Variants in ATG9B observed in about 807,000 individuals in gnomAD.
The protein encoded by ATG9B is autophagy related 9B, also known as autophagy-related protein 9B.
In ATG9B, 92 loss-of-function variants were observed where a neutral mutation model predicts 92.9. The observed-to-expected ratio is 0.99, with a 90% CI of 0.84 to 1.18. The LOEUF is 1.18. Ranked by LOEUF, ATG9B falls within the 50% of genes most tolerant of loss-of-function variation. The pLI is 0.00. For missense variants in ATG9B, 1,344 were observed against 1,235.0 expected, an observed-to-expected ratio of 1.09 and a Z score of -1.32; for synonymous variants, 599 against 551.4, an observed-to-expected ratio of 1.09 and a Z score of -1.21.
At position 151,018,659 on chromosome 7, in the gene ATG9B, G is replaced by A. The variant is rs1156355914; in HGVS notation, c.1679C>T (p.Thr560Ile). The part of the protein sequence containing the change: ...EDVLAVEHVL[T>I]AMTALGVTAT... The stretch of plus-strand genomic sequence containing the variant: ...GGTGACCCCGAGCGCGGTCATGGCG[G>A]TGAGCACGTGCTCCACGGCTAGCAC... Residue 560 changes from threonine to isoleucine, a missense_variant, in exon 6 of 14, where the codon ACC (threonine) becomes ATC (isoleucine). By Grantham distance (89) the Thr-to-Ile change is moderately conservative. Transcript: ENST00000639579. The surrounding 1 kb of genome is among the most constrained non-coding windows in gnomAD (Gnocchi z 4.7). 4 of 1,607,434 alleles carry A rather than the reference G, an allele frequency of 2.5e-6. No homozygotes were observed. The highest frequency in any genetic ancestry group is 1.3e-5 in the African/African-American group (1 of 74,636).
At chr7:151,016,077 G>A (rs1795467921) in intron 12 of ATG9B, 32 bp downstream of exon 12, 1 of 1,545,022 alleles carries the variant, frequency 6.5e-7, no homozygotes, top group Non-Finnish European at 8.7e-7. Context: ...TGTCCACCAG[G>A]CTCTGTCCCC....
At chr7:151,023,799 A>G in intron 1 of ATG9B, 69 bp from the exon 2 acceptor site, 1 of 1,612,684 alleles carries the variant, frequency 6.2e-7, no homozygotes, top group Non-Finnish European at 8.5e-7. Flanking sequence ...ACCCGCTGCC[A>G]GAGGCCCAGC....
Position 151,018,849 on chromosome 7 carries a change from GC to G in ATG9B, c.1488del (p.His497ThrfsTer57). The G allele has an allele frequency of 7.7e-7, 1 of 1,305,774 alleles. No homozygotes were observed. Among genetic ancestry groups the G allele is most frequent in the Non-Finnish European group, 9.7e-7 (1 of 1,031,146 alleles). 80.9% of individuals were successfully genotyped at this position (1,305,774 alleles called of 1,614,324 possible). Reference protein sequence around the residue: ...RLQLRHFNELPHELRARLARA... With the variant: ...RLQLRHFNELXHELRARLARA... ...CGGGCCAGGCGCGCGCGCAGCTCGTGCGGCAGCTCGTTGAAGTGGCGCAGCT... is the reference window on the plus strand; with the variant it reads ...CGGGCCAGGCGCGCGCGCAGCTCGTGGGCAGCTCGTTGAAGTGGCGCAGCT... On this transcript the variant is annotated frameshift_variant, in exon 6 of 14. Transcript: ENST00000639579. LOFTEE classifies it high-confidence loss of function. This position sits in a 1 kb window ranked among gnomAD's most constrained non-coding sequence, Gnocchi z 4.7.
intron 10 of ATG9B, 75 bp downstream of exon 10, chr7:151,016,613 G>A (rs1446882346): frequency 1.6e-5 from 24 of 1,541,608 alleles, no homozygotes; most frequent in East Asian, 2.5e-5. Flanking sequence ...CCCCCTCAGC[G>A]CCCCAGCTCC....
Position 151,021,219 on chromosome 7 carries a change from A to G in ATG9B, c.932T>C (p.Val311Ala), listed in dbSNP as rs1174480217. 6.2e-7 allele frequency: 1 copy of G among 1,613,484 alleles called. No individual in the cohort carries two copies. The highest frequency in any genetic ancestry group is 8.5e-7 in the Non-Finnish European group (1 of 1,179,914). ...CNLFSYWDIQ[V>A]FYREALHIPP... ...GATGTGCAGGGCCTCCCTGTAAAAC[A>G]CCTGGATGTCCCAGTAGCTGAAGAG... The change falls in exon 5 of 14, where the codon GTG becomes GCG. Residue 311 changes from valine to alanine, a missense_variant. Val to Ala is a moderately conservative substitution (Grantham distance 64). Transcript: ENST00000639579.
chr7:151,018,423 G>A lies in ATG9B; in HGVS notation c.1743C>T (p.Cys581=). The A allele has an allele frequency of 6.5e-7, 1 of 1,538,656 alleles. No homozygotes were observed. The highest frequency in any genetic ancestry group is 8.7e-7 in the Non-Finnish European group (1 of 1,143,316). Reference sequence around the variant, plus strand: ...GCAGGAGCTGCGGCGCACGACCCTGGCACTGCTCTTCCGGAATGAAAGACC... The same window carrying A: ...GCAGGAGCTGCGGCGCACGACCCTGACACTGCTCTTCCGGAATGAAAGACC... ...VARSFIPEEQ[C]QGRAPQLLLQ... is the part of the protein sequence containing the mutation. The change falls in exon 7 of 14, where the codon TGC becomes TGT. Residue 581 remains cysteine (C), a synonymous_variant. Coordinates refer to ENST00000639579, the MANE Select transcript of ATG9B (RefSeq NM_001317056.2). The surrounding 1 kb of genome is among the most constrained non-coding windows in gnomAD (Gnocchi z 4.7).
intron 5 of ATG9B, 57 bp from the exon 6 acceptor site, chr7:151,019,431 C>T: frequency 1.3e-6 from 2 of 1,484,734 alleles, no homozygotes; most frequent in Non-Finnish European, 1.8e-6. Context: ...CAGTGATGCT[C>T]AAGCTCCACA....
chr7:151,024,163 G>A lies in ATG9B; in HGVS notation c.261C>T (p.Cys87=). Residue 87 remains cysteine (C), a synonymous_variant, in exon 1 of 14, where the codon TGC becomes TGT. Coordinates refer to ENST00000639579, the MANE Select transcript of ATG9B (RefSeq NM_001317056.2). ...VLQGTGASQS[C]HSALPIPATP... ...TGGCTGGGATAGGGAGAGCACTGTG[G>A]CAAGACTGAGAAGCCCCTGTCCCCT... is the stretch of plus-strand genomic sequence containing the variant. 6.4e-7 allele frequency: 1 copy of A among 1,559,870 alleles called. No homozygotes were observed. Among genetic ancestry groups the A allele is most frequent in the Non-Finnish European group, 8.7e-7 (1 of 1,151,770 alleles).
At chr7:151,017,753 C>T (rs1376403823) in intron 8 of ATG9B, 118 bp downstream of exon 8, 33 of 1,251,438 alleles carry the variant, frequency 2.6e-5, no homozygotes, top group Non-Finnish European at 3.6e-5. Context: ...AGGGAAGTGA[C>T]CCGCTCAACG....
chr7:151,018,355 G>C lies in ATG9B; in HGVS notation c.1811C>G (p.Pro604Arg). ...GGCGCGGTCCCTGCCGCCGGGGCCG[G>C]GCTCCTCCGGGAGGTAGTGCATGTG... is the stretch of plus-strand genomic sequence containing the variant. ...LAHMHYLPEE[P>R]GPGGRDRAYR... is the part of the protein sequence containing the mutation. The change falls in exon 7 of 14, where the codon CCC (proline) becomes CGC (arginine). Residue 604 changes from proline to arginine, a missense_variant. By Grantham distance (103) the Pro-to-Arg change is moderately radical. Coordinates refer to ENST00000639579, the MANE Select transcript of ATG9B (RefSeq NM_001317056.2). This position sits in a 1 kb window ranked among gnomAD's most constrained non-coding sequence, Gnocchi z 4.7. The C allele has an allele frequency of 6.3e-7, 1 of 1,598,922 alleles. No individual in the cohort carries two copies. Among genetic ancestry groups the C allele is most frequent in the South Asian group, 1.1e-5 (1 of 89,284 alleles).
chr7:151,023,676 G>T lies in ATG9B; in HGVS notation c.594+11C>A. ...CCCATGCCACCTCTGCAGGCCTAGC[G>T]CAAAGGATATCTTGGTGAAGAAACT... On this transcript the variant is annotated intron_variant, in intron 2 of 13. Coordinates refer to ENST00000639579, the MANE Select transcript of ATG9B (RefSeq NM_001317056.2). 1 of 1,613,982 alleles carries T rather than the reference G, an allele frequency of 6.2e-7. No homozygotes were observed. Among genetic ancestry groups the T allele is most frequent in the South Asian group, 1.1e-5 (1 of 91,084 alleles).
chr7:151,021,370 G>T (rs575261571), intron 4 of ATG9B, 41 bp from the exon 5 acceptor site: 2 of 1,535,474 alleles, frequency 1.3e-6, no homozygotes, highest in Non-Finnish European at 8.8e-7. Context: ...AAAGGTGGGC[G>T]CCTGAGAAAG....
chr7:151,023,906 T>TG lies in ATG9B; in HGVS notation c.517dup (p.Gln173ProfsTer8), dbSNP rs1192258847. The TG allele has an allele frequency of 6.2e-7, 1 of 1,607,190 alleles. No individual in the cohort carries two copies. Among genetic ancestry groups the TG allele is most frequent in the East Asian group, 2.2e-5 (1 of 44,478 alleles). On this transcript the variant is annotated frameshift_variant, in exon 1 of 14. Coordinates refer to ENST00000639579, the MANE Select transcript of ATG9B (RefSeq NM_001317056.2). LOFTEE classifies it high-confidence loss of function. ...CCCTTCAGGGACATGAAGCAGGGGT[T>TG]GCTGCTCCTCCCCGTGGATGGGTGA...
At chr7:151,014,195 T>A, downstream of ATG9B, 1 of 1,583,006 alleles carries the variant, frequency 6.3e-7, no homozygotes. Context: ...CCCTTCCAGT[T>A]CCGGGAGAGC....
Position 151,024,296 on chromosome 7 carries a change from G to A in ATG9B, c.128C>T (p.Pro43Leu), listed in dbSNP as rs1206097588. 1 of 1,430,382 alleles carries A rather than the reference G, an allele frequency of 7.0e-7. No individual in the cohort carries two copies. Among genetic ancestry groups the A allele is most frequent in the South Asian group, 1.6e-5 (1 of 61,304 alleles). The allele number at this position is 1,430,382 out of a possible 1,614,324, so 88.6% of individuals were successfully genotyped here. A position where few individuals can be genotyped will look rare whatever the true frequency, so the allele number is the denominator to read the frequency against. Residue 43 changes from proline (P) to leucine (L), a missense_variant, in exon 1 of 14, where the codon CCT becomes CTT. Pro to Leu is a moderately conservative substitution (Grantham distance 98). Transcript: ENST00000639579. The stretch of plus-strand genomic sequence containing the variant: ...GAAGATGGAGATCCTCCCTCCCCCA[G>A]GTCCCCGGCATGAAGGAGGAGGAGG... ...PPPPPPSCRG[P>L]GGGRISIFSL...
chr7:151,012,987 G>A (rs1000880377), downstream of ATG9B: 7 of 524,668 alleles, frequency 1.3e-5, no homozygotes, highest in Admixed American at 3.7e-5. Context: ...CCGAAGCCGC[G>A]CATTCTAGCG....
chr7:151,018,071 C>T lies in ATG9B; in HGVS notation c.1873-21G>A. The T allele has an allele frequency of 3.2e-6, 5 of 1,559,062 alleles. No homozygotes were observed. The highest frequency in any genetic ancestry group is 4.3e-6 in the Non-Finnish European group (5 of 1,151,368). Reference sequence around the variant, plus strand: ...GAGACCTGGGGAAGCAGCGGTGAGGCTGAGCAGGGGTCGCTGAGGGGCCCA... The same window carrying T: ...GAGACCTGGGGAAGCAGCGGTGAGGTTGAGCAGGGGTCGCTGAGGGGCCCA... On this transcript the variant is annotated intron_variant, in intron 7 of 13. Transcript: ENST00000639579. The surrounding 1 kb of genome is among the most constrained non-coding windows in gnomAD (Gnocchi z 4.7).
At chr7:151,020,581 G>A (rs1345426025) in intron 5 of ATG9B, among the ~76,000 whole-genome samples, 3 of 152,234 alleles carry the variant, frequency 2.0e-5, no homozygotes, top group Non-Finnish European at 2.9e-5. Context: ...GCTGCAGAAG[G>A]CTACTTTCAA....
Position 151,018,183 on chromosome 7 carries a change from TA to T in ATG9B, c.1872+110del, listed in dbSNP as rs1795584865. The T allele has an allele frequency of 6.8e-7, 1 of 1,468,620 alleles. No homozygotes were observed. Among genetic ancestry groups the T allele is most frequent in the African/African-American group, 1.4e-5 (1 of 70,376 alleles). 91.0% of individuals were successfully genotyped at this position (1,468,620 alleles called of 1,614,324 possible). A position where few individuals can be genotyped will look rare whatever the true frequency, so the allele number is the denominator to read the frequency against. On this transcript the variant is annotated intron_variant, in intron 7 of 13. Transcript: ENST00000639579. This position sits in a 1 kb window ranked among gnomAD's most constrained non-coding sequence, Gnocchi z 4.7. Reference sequence around the variant, plus strand: ...CCAGTCACTCCCTAGACTCCTGGTATAGTCCGTTTGTCTCATGCCCTCTCCC... The same window carrying T: ...CCAGTCACTCCCTAGACTCCTGGTATGTCCGTTTGTCTCATGCCCTCTCCC...
Sources: allele counts gnomAD v4.1 joint callset (sites outside exome capture counted in the v4.1 genomes callset), GRCh38; gene constraint gnomAD v4.1.1; non-coding constraint Gnocchi (gnomAD v3.1); transcripts MANE v1.5; gene names NCBI Gene and HGNC (gene_info 2026-07-23, HGNC 2026-07-21).